CAMSAP1: variants seen among roughly 807,000 people sequenced by gnomAD.
CAMSAP1 encodes calmodulin regulated spectrin associated protein 1, also known as calmodulin-regulated spectrin-associated protein 1.
A neutral mutation model predicts 143.5 loss-of-function variants in CAMSAP1; 58 were observed. The observed-to-expected ratio is 0.40, with a 90% confidence interval of 0.33 to 0.50. The LOEUF (loss-of-function observed/expected upper bound fraction) is 0.50, where lower values mean the gene tolerates loss of function less well. Among genes scored for constraint, CAMSAP1 ranks in the 20% least tolerant of loss-of-function variants. The pLI is 0.45. For missense variants in CAMSAP1, 1,969 were observed against 2,115.7 expected (o/e 0.93, Z 1.36); for synonymous variants, 945 against 859.3 (o/e 1.10, Z -1.74).
At chr9:135,888,923 C>T (rs939633564) in intron 1 of CAMSAP1, among the ~76,000 whole-genome samples, 5 of 152,238 alleles carry the variant, frequency 3.3e-5, no homozygotes, top group Non-Finnish European at 7.3e-5. Flanking sequence ...GACAAGCACA[C>T]ACCCCACAGG....
intron 7 of CAMSAP1, among the ~76,000 whole-genome samples, chr9:135,837,424 C>T (rs1836108310): frequency 1.3e-5 from 2 of 150,430 alleles, no homozygotes; most frequent in African/African-American, 4.9e-5. Flanking sequence ...TCATCACGCG[C>T]TTTCTACCCC....
intron 5 of CAMSAP1, among the ~76,000 whole-genome samples, chr9:135,853,853 T>C (rs1208709375): frequency 6.6e-6 from 1 of 152,216 alleles, no homozygotes; most frequent in African/African-American, 2.4e-5. Context: ...CAACAGCCTA[T>C]GAGGTCCAAT....
At position 135,822,946 on chromosome 9, in the gene CAMSAP1, T is replaced by C; in HGVS notation, c.1715A>G (p.Asn572Ser). 6.2e-7 allele frequency: 1 copy of C among 1,613,914 alleles called. No individual in the cohort carries two copies. The highest frequency in any genetic ancestry group is 8.5e-7 in the Non-Finnish European group (1 of 1,179,874). Residue 572 changes from asparagine to serine, a missense_variant, in exon 11 of 17, where the codon AAT (asparagine) becomes AGT (serine). By Grantham distance (46) the Asn-to-Ser change is conservative (BLOSUM62 1). Around this residue, in one of 4 missense-constraint regions of CAMSAP1, gnomAD observed 1,390 missense variants for 1,420.8 expected, o/e 0.98. Transcript: ENST00000389532. The surrounding 1 kb of genome is among the most constrained non-coding windows in gnomAD (Gnocchi z 6.1). Reference protein sequence around the residue: ...ASPRALGLTANARSPQGQLDT... With the variant: ...ASPRALGLTASARSPQGQLDT... ...CAGCTGTCCTTGGGGAGACCGGGCA[T>C]TTGCTGTAAGGCCTAAGGCCCGGGG...
intron 4 of CAMSAP1, among the ~76,000 whole-genome samples, chr9:135,864,598 C>T (rs1837309592): frequency 2.0e-5 from 3 of 152,210 alleles, no homozygotes; most frequent in African/African-American, 7.2e-5. Context: ...AGTACTCTCT[C>T]CCCAGGGGCC....
At chr9:135,862,356 G>T in intron 5 of CAMSAP1, 111 bp downstream of exon 5, 2 of 1,246,656 alleles carry the variant, frequency 1.6e-6, no homozygotes, top group South Asian at 1.6e-5. Context: ...TTATATTAAG[G>T]ATTCCATTTT....
intron 7 of CAMSAP1, among the ~76,000 whole-genome samples, chr9:135,834,650 G>A (rs1184704192): frequency 6.6e-6 from 1 of 152,150 alleles, no homozygotes; most frequent in Non-Finnish European, 1.5e-5. Flanking sequence ...AGGGGAACAG[G>A]GAGATGATGG....
At chr9:135,904,147 C>A (rs145792178) in intron 1 of CAMSAP1, among the ~76,000 whole-genome samples, 90 of 152,302 alleles carry the variant, frequency 5.9e-4, no homozygotes, top group African/African-American at 2.0e-3. Flanking sequence ...GCGGGCAGAT[C>A]ACCTGAGCCC....
rs1008959053 is a variant in CAMSAP1 at position 135,856,006 on chromosome 9, C to T, written c.809-5545G>A. Among the ~76,000 whole-genome samples, 150 of 151,990 alleles carry T rather than the reference C, an allele frequency of 9.9e-4. 1 individual carries two copies. Among genetic ancestry groups the T allele is most frequent in the African/African-American group, 3.5e-3 (146 of 41,438 alleles). The stretch of plus-strand genomic sequence containing the variant: ...GGTGGAGCTTGCAGTGAGCCGAGAT[C>T]GTACCACTGCACTCCAGCATAGGCA... On this transcript the variant is annotated intron_variant, in intron 5 of 16. Transcript: ENST00000389532.
Position 135,823,085 on chromosome 9 carries a change from C to A in CAMSAP1, c.1576G>T (p.Gly526Trp). 1 of 1,614,016 alleles carries A rather than the reference C, an allele frequency of 6.2e-7. No homozygotes were observed. ...QPHPTATKSH[G>W]KSLLSNVSIE... ...CTGACATTGCTCAGGAGGCTCTTCC[C>A]GTGGCTCTTCGTGGCCGTGGGGTGT... Residue 526 changes from glycine to tryptophan, a missense_variant, in exon 11 of 17, where the codon GGG (glycine) becomes TGG (tryptophan). Gly to Trp is a radical substitution (Grantham distance 184, BLOSUM62 -2). Transcript: ENST00000389532.
rs201851622 is a variant in CAMSAP1 at position 135,874,312 on chromosome 9, A to AT, written c.585+7320dup. Among the ~76,000 whole-genome samples the AT allele has an allele frequency of 5.1e-3, 781 of 151,806 alleles. 3 individuals carry two copies. The highest frequency in any genetic ancestry group is 0.017 in the Middle Eastern group (5 of 294). On this transcript the variant is annotated intron_variant, in intron 3 of 16. Transcript: ENST00000389532. ...ACGTGGCAAAATCCCCTCTACAAAAATTTTTTTTTAATTAGCCAGGCGTGG... is the reference window on the plus strand; with the variant it reads ...ACGTGGCAAAATCCCCTCTACAAAAATTTTTTTTTTAATTAGCCAGGCGTGG...
At chr9:135,827,076 G>C (rs539151536) in intron 8 of CAMSAP1, among the ~76,000 whole-genome samples, 50 of 152,252 alleles carry the variant, frequency 3.3e-4, no homozygotes, top group Non-Finnish European at 5.9e-4. Context: ...AGACCATAAA[G>C]AGCACACCTA....
At chr9:135,902,982 G>A (rs1838662829) in intron 1 of CAMSAP1, among the ~76,000 whole-genome samples, 1 of 152,212 alleles carries the variant, frequency 6.6e-6, no homozygotes, top group Non-Finnish European at 1.5e-5. Context: ...TCCTTGCAAA[G>A]AATTGAGTGC....
intron 7 of CAMSAP1, 104 bp from the exon 8 acceptor site, chr9:135,827,688 C>T (rs1835726999): frequency 8.7e-7 from 1 of 1,144,482 alleles, no homozygotes; most frequent in Non-Finnish European, 1.2e-6. Context: ...TTTATTGAAA[C>T]CAAACTTCTG....
chr9:135,866,550 G>C lies in CAMSAP1; in HGVS notation c.586-14C>G. On this transcript the variant is annotated splice_polypyrimidine_tract_variant and intron_variant, in intron 3 of 16. Transcript: ENST00000389532. ...TTTAAGATTTACCTAAAGTAGAAGA[G>C]AAATGCATTAAAGAGGTAATTGCTG... 3 of 1,216,208 alleles carry C rather than the reference G, an allele frequency of 2.5e-6. No homozygotes were observed. The highest frequency in any genetic ancestry group is 2.5e-5 in the East Asian group (1 of 39,334). 75.3% of individuals were successfully genotyped at this position (1,216,208 alleles called of 1,614,324 possible). A position where few individuals can be genotyped will look rare whatever the true frequency, so the allele number is the denominator to read the frequency against.
chr9:135,855,800 C>G (rs868396733), intron 5 of CAMSAP1, among the ~76,000 whole-genome samples: 1 of 150,876 alleles, frequency 6.6e-6, no homozygotes, highest in African/African-American at 2.4e-5. Flanking sequence ...CGCCTGTAAT[C>G]CCAGCACTTT....
chr9:135,861,825 T>C (rs1200326284), intron 5 of CAMSAP1, among the ~76,000 whole-genome samples: 1 of 152,100 alleles, frequency 6.6e-6, no homozygotes, highest in Non-Finnish European at 1.5e-5. Flanking sequence ...AAATCAGAAT[T>C]CATGCTCCCC....
chr9:135,888,860 C>A (rs1838207402), intron 1 of CAMSAP1, among the ~76,000 whole-genome samples: 1 of 152,206 alleles, frequency 6.6e-6, no homozygotes, highest in African/African-American at 2.4e-5. Context: ...TGACCCCCAC[C>A]CAGGGACAAC....
intron 7 of CAMSAP1, 124 bp downstream of exon 7, chr9:135,850,013 C>T (rs1316084826): frequency 2.1e-5 from 15 of 723,310 alleles, no homozygotes; most frequent in African/African-American, 1.6e-4. Flanking sequence ...CCCTGGGATT[C>T]TGACTCCACA....
intron 4 of CAMSAP1, among the ~76,000 whole-genome samples, chr9:135,864,334 C>T (rs1188610363): frequency 1.3e-5 from 2 of 152,222 alleles, no homozygotes; most frequent in Admixed American, 6.5e-5. Flanking sequence ...ATTTAGAATG[C>T]TTTCCTCTTT....
Sources: gnomAD v4.1 joint callset for allele counts (sites outside exome capture counted in the v4.1 genomes callset) on GRCh38, gnomAD v4.1.1 for gene constraint, gnomAD v4.1.1 regional missense constraint, Gnocchi (gnomAD v3.1) non-coding constraint, MANE v1.5 for transcripts, NCBI Gene and HGNC (gene_info 2026-07-23, HGNC 2026-07-21) for gene names.